PREX2: variants seen among roughly 807,000 people sequenced by gnomAD.
The protein encoded by PREX2 is phosphatidylinositol-3,4,5-trisphosphate dependent Rac exchange factor 2, also known as phosphatidylinositol 3,4,5-trisphosphate-dependent Rac exchanger 2 protein.
In PREX2, 107 loss-of-function variants were observed where a neutral mutation model predicts 203.2. The observed-to-expected ratio is 0.53, with a 90% CI of 0.45 to 0.62. PREX2 has a LOEUF of 0.62. Ranked by LOEUF, PREX2 falls within the 20% of genes least tolerant of loss-of-function variation. PREX2 has a pLI of 0.00. For missense variants in PREX2, 1,777 were observed against 1,955.9 expected, an observed-to-expected ratio of 0.91 and a Z score of 1.72; for synonymous variants, 672 against 663.6, an observed-to-expected ratio of 1.01 and a Z score of -0.19.
At chr8:68,224,729 G>C in intron 39 of PREX2, 103 bp downstream of exon 39, 1 of 780,258 alleles carries the variant, frequency 1.3e-6, no homozygotes. Context: ...GCCCCGTGTC[G>C]TACTGATTGT....
rs769413897 is a variant in PREX2, at chr8:68,077,394, CAGGG to C, written c.1570_1573del (p.Gly524IlefsTer9). On this transcript the variant is annotated splice_acceptor_variant and coding_sequence_variant, in exon 15 of 40. Coordinates refer to ENST00000288368, the MANE Select transcript of PREX2 (RefSeq NM_024870.4). LOFTEE classifies it high-confidence loss of function. ...ACTCCCACAGTGCTTTTTTGGTTAA[CAGGG>C]AGATTGCCGCACCAGAGAAGAGGCA... 3 of 1,612,380 alleles carry C rather than the reference CAGGG, an allele frequency of 1.9e-6. No homozygotes were observed. The highest frequency in any genetic ancestry group is 1.7e-6 in the Non-Finnish European group (2 of 1,178,488).
chr8:67,997,435 A>G (rs1361043538), intron 1 of PREX2, among the ~76,000 whole-genome samples: 2 of 152,224 alleles, frequency 1.3e-5, no homozygotes, highest in Admixed American at 6.5e-5. Context: ...CTAAGAAAAT[A>G]GAACAGTTAT....
At chr8:68,135,101 G>A (rs60305831) in intron 32 of PREX2, among the ~76,000 whole-genome samples, 9 of 71,302 alleles carry the variant, frequency 1.3e-4, no homozygotes, top group African/African-American at 5.9e-4. Flanking sequence ...AACAAATTTT[G>A]TGTGTGTGTG....
At chr8:68,230,882 A>G (rs1360963637) in intron 39 of PREX2, among the ~76,000 whole-genome samples, 1 of 152,180 alleles carries the variant, frequency 6.6e-6, no homozygotes, top group Non-Finnish European at 1.5e-5. Flanking sequence ...CACTCTGGGG[A>G]TAGTACAAAA....
intron 35 of PREX2, among the ~76,000 whole-genome samples, chr8:68,182,820 T>G (rs773194201): frequency 6.6e-6 from 1 of 151,504 alleles, no homozygotes; most frequent in Non-Finnish European, 1.5e-5. Flanking sequence ...ACAGGATGAG[T>G]GCAACTCAGT....
At chr8:67,978,682 T>C (rs902385753) in intron 1 of PREX2, among the ~76,000 whole-genome samples, 2 of 152,192 alleles carry the variant, frequency 1.3e-5, no homozygotes, top group African/African-American at 2.4e-5. Context: ...CTTTGGTAAA[T>C]GTATGCACAC....
At chr8:67,966,105 C>G (rs1805769288) in intron 1 of PREX2, among the ~76,000 whole-genome samples, 1 of 152,084 alleles carries the variant, frequency 6.6e-6, no homozygotes, top group Non-Finnish European at 1.5e-5. Context: ...GAGCTTAGTA[C>G]TTGACTGGAT....
chr8:67,983,256 A>G (rs745349598), intron 1 of PREX2, among the ~76,000 whole-genome samples: 102 of 95,882 alleles, frequency 1.1e-3, no homozygotes, highest in Non-Finnish European at 2.0e-3. Context: ...GGTGAAAGAA[A>G]CAAACTATGT....
At chr8:68,212,624 C>T (rs1030312406) in intron 37 of PREX2, among the ~76,000 whole-genome samples, 1 of 152,088 alleles carries the variant, frequency 6.6e-6, no homozygotes, top group Admixed American at 6.6e-5. Flanking sequence ...TATGAACTGC[C>T]CCACTTCTGT....
chr8:68,056,577 C>T (rs1419872144), intron 10 of PREX2, among the ~76,000 whole-genome samples: 1 of 149,400 alleles, frequency 6.7e-6, no homozygotes, highest in African/African-American at 2.5e-5. Context: ...TTAATTAGTG[C>T]AGGGCCAGAA....
At chr8:68,162,081 C>T (rs1392776991) in intron 35 of PREX2, among the ~76,000 whole-genome samples, 1 of 152,132 alleles carries the variant, frequency 6.6e-6, no homozygotes, top group Admixed American at 6.6e-5. Flanking sequence ...AGACTCACCC[C>T]CATAATTCAA....
intron 7 of PREX2, among the ~76,000 whole-genome samples, chr8:68,041,971 T>C (rs1808213460): frequency 6.6e-6 from 1 of 152,118 alleles, no homozygotes; most frequent in Non-Finnish European, 1.5e-5. Context: ...CCTTAATGAA[T>C]GTATTATGTG....
chr8:68,033,068 G>T (rs768275679), intron 6 of PREX2, among the ~76,000 whole-genome samples: 3 of 151,800 alleles, frequency 2.0e-5, no homozygotes, highest in Non-Finnish European at 2.9e-5. Flanking sequence ...AATTATCTGG[G>T]GACTTGCTTC....
chr8:68,016,216 T>C (rs568358803), intron 1 of PREX2, among the ~76,000 whole-genome samples: 1 of 152,344 alleles, frequency 6.6e-6, no homozygotes, highest in Non-Finnish European at 1.5e-5. Flanking sequence ...TGCGTTTTGG[T>C]AAATGCCGCC....
At chr8:68,170,467 C>T (rs149936558) in intron 35 of PREX2, among the ~76,000 whole-genome samples, 27 of 152,312 alleles carry the variant, frequency 1.8e-4, no homozygotes, top group African/African-American at 6.5e-4. Context: ...GAGACAGGCA[C>T]CTGGAGAGCC....
chr8:68,097,127 A>T lies in PREX2; in HGVS notation c.2479A>T (p.Ser827Cys). ...ATATGGTGTCGTGTATGAGTACGACAGCACAGCTGGCATCAAGTGCAATGT... is the reference window on the plus strand; with the variant it reads ...ATATGGTGTCGTGTATGAGTACGACTGCACAGCTGGCATCAAGTGCAATGT... Reference protein sequence around the residue: ...LEYGVVYEYDSTAGIKCNVVE... With the variant: ...LEYGVVYEYDCTAGIKCNVVE... Residue 827 changes from serine (S) to cysteine (C), a missense_variant, in exon 22 of 40, where the codon AGC (serine) becomes TGC (cysteine). Ser to Cys is a moderately radical substitution (Grantham distance 112, BLOSUM62 -1). Transcript: ENST00000288368. 1.2e-6 allele frequency: 2 copies of T among 1,614,096 alleles called. No individual in the cohort carries two copies. Among genetic ancestry groups the T allele is most frequent in the Non-Finnish European group, 1.7e-6 (2 of 1,179,972 alleles).
chr8:67,966,200 C>T (rs955179791), intron 1 of PREX2, among the ~76,000 whole-genome samples: 4 of 151,718 alleles, frequency 2.6e-5, no homozygotes, highest in African/African-American at 4.8e-5. Flanking sequence ...ATAAGCAAAC[C>T]GTAATGAGAG....
chr8:67,974,817 T>G (rs898187584), intron 1 of PREX2, among the ~76,000 whole-genome samples: 2 of 152,232 alleles, frequency 1.3e-5, no homozygotes, highest in African/African-American at 4.8e-5. Context: ...ATTTATTGCT[T>G]TGGTCTCTTG....
At chr8:68,204,525 G>C (rs1006273538) in intron 37 of PREX2, among the ~76,000 whole-genome samples, 1 of 151,970 alleles carries the variant, frequency 6.6e-6, no homozygotes, top group Non-Finnish European at 1.5e-5. Flanking sequence ...TAGATGGAGT[G>C]AGTGGAGTAT....
Sources: gnomAD v4.1 joint callset for allele counts (sites outside exome capture counted in the v4.1 genomes callset) on GRCh38, gnomAD v4.1.1 for gene constraint, MANE v1.5 for transcripts, NCBI Gene and HGNC (gene_info 2026-07-23, HGNC 2026-07-21) for gene names.